The following MGAT4C variants were observed in gnomAD, a reference collection of about 807,000 sequenced individuals.
MGAT4C encodes the protein MGAT4 family member C.
Under a neutral mutation model 40.1 loss-of-function variants are expected in MGAT4C, and 19 were observed. The observed-to-expected ratio is 0.47, with a 90% CI of 0.33 to 0.70. MGAT4C has a LOEUF of 0.70. Ranked by LOEUF, MGAT4C falls within the 30% of genes least tolerant of loss-of-function variation. The probability of loss-of-function intolerance (pLI) is 0.02; values close to 1 mark genes in which losing one functional copy is unlikely to be tolerated. For synonymous variants in MGAT4C, 181 were observed against 187.1 expected, an observed-to-expected ratio of 0.97 and a Z score of 0.27; for missense variants, 491 against 563.2, an observed-to-expected ratio of 0.87 and a Z score of 1.30.
chr12:86,830,405 T>C (rs1952898291), intron 1 of MGAT4C, among the ~76,000 whole-genome samples: 1 of 151,836 alleles, frequency 6.6e-6, no homozygotes, highest in Admixed American at 6.6e-5. Flanking sequence ...TATTGGTCTC[T>C]AAGTATGTAT....
chr12:86,523,576 G>A (rs950319311), intron 2 of MGAT4C, among the ~76,000 whole-genome samples: 1 of 152,092 alleles, frequency 6.6e-6, no homozygotes, highest in Non-Finnish European at 1.5e-5. Context: ...TTGGGAGTGG[G>A]GAGAGTTCCA....
chr12:86,573,320 T>C (rs975785668), intron 2 of MGAT4C, among the ~76,000 whole-genome samples: 5 of 151,998 alleles, frequency 3.3e-5, no homozygotes, highest in Non-Finnish European at 1.5e-5. Context: ...GCAATTGAAC[T>C]AAAGGGGTTA....
chr12:86,600,107 A>C (rs1961708893), intron 2 of MGAT4C, among the ~76,000 whole-genome samples: 1 of 152,222 alleles, frequency 6.6e-6, no homozygotes, highest in African/African-American at 2.4e-5. Context: ...AAGAATGCTA[A>C]GGGAACGTCA....
At chr12:86,670,758 G>A (rs1465408584) in intron 2 of MGAT4C, among the ~76,000 whole-genome samples, 1 of 152,098 alleles carries the variant, frequency 6.6e-6, no homozygotes, top group Non-Finnish European at 1.5e-5. Flanking sequence ...CAAGGCATAT[G>A]GTCACCAGAC....
chr12:85,963,317 A>C lies in MGAT4C; in HGVS notation c.*15972T>G, dbSNP rs1883206094. 1 of 151,978 alleles carries C rather than the reference A, an allele frequency of 6.6e-6. No individual in the cohort carries two copies. Among genetic ancestry groups the C allele is most frequent in the Admixed American group, 6.6e-5 (1 of 15,248 alleles). The allele number at this position is 151,978 out of a possible 1,614,324, so 9.4% of individuals were successfully genotyped here. ...ATACAACATTTTTATGTAGAAATAT[A>C]TTCTTGAAATGTAACTAGCACATAG... On this transcript the variant is annotated 3_prime_UTR_variant, in exon 5 of 5. Transcript: ENST00000611864.
intron 2 of MGAT4C, among the ~76,000 whole-genome samples, chr12:86,687,303 A>AT (rs1351806640): frequency 6.6e-6 from 1 of 151,118 alleles, no homozygotes. Flanking sequence ...GGATTCATTG[A>AT]TTTTTTGAAG....
At chr12:85,995,116 ACAACAGGCAG>A (rs1176204345) in intron 2 of MGAT4C, among the ~76,000 whole-genome samples, 1 of 152,128 alleles carries the variant, frequency 6.6e-6, no homozygotes, top group Non-Finnish European at 1.5e-5. Context: ...CTAATATTGG[ACAACAGGCAG>A]CACAGGGCAA....
intron 1 of MGAT4C, among the ~76,000 whole-genome samples, chr12:86,751,804 C>T (rs958724093): frequency 6.6e-6 from 1 of 151,994 alleles, no homozygotes; most frequent in South Asian, 2.1e-4. Flanking sequence ...TATCCTCCTT[C>T]AGCTTTTGTT....
In MGAT4C at chr12:86,235,356, G is replaced by A. The variant is rs544730423; in HGVS notation, c.-57+20883C>T. ...GCTTCAGTCCATCAATAATCAAAAG[G>A]GATTTTTTATAAAATATAAATGTAT... On this transcript the variant is annotated intron_variant, in intron 1 of 4. Transcript: ENST00000611864. Among the ~76,000 whole-genome samples, 8 of 151,870 alleles carry A rather than the reference G, an allele frequency of 5.3e-5. No individual in the cohort carries two copies. In the South Asian group the frequency reaches 1.7e-3, roughly 32 times the overall value.
intron 2 of MGAT4C, among the ~76,000 whole-genome samples, chr12:86,641,840 G>T (rs902619159): frequency 2.0e-5 from 3 of 151,872 alleles, no homozygotes; most frequent in African/African-American, 7.2e-5. Flanking sequence ...TTTAACTAAA[G>T]ATATATCATT....
chr12:86,697,876 A>G (rs1251849998), intron 2 of MGAT4C, among the ~76,000 whole-genome samples: 1 of 152,074 alleles, frequency 6.6e-6, no homozygotes, highest in Admixed American at 6.6e-5. Flanking sequence ...ATCACCTAAA[A>G]TCACTTTTCA....
At chr12:86,184,738 TAA>T (rs34098097) in intron 1 of MGAT4C, among the ~76,000 whole-genome samples, 12,563 of 86,658 alleles carry the variant, frequency 0.14, 994 homozygotes, top group East Asian at 0.28. Flanking sequence ...TTTCTCCTGT[TAA>T]AAAAAAAAAA....
intron 2 of MGAT4C, among the ~76,000 whole-genome samples, chr12:86,496,984 C>T (rs1051292933): frequency 1.3e-5 from 2 of 151,944 alleles, no homozygotes; most frequent in African/African-American, 4.8e-5. Flanking sequence ...TATAATTAAA[C>T]TTTATCACCT....
chr12:86,816,224 T>C (rs951099534), intron 1 of MGAT4C, among the ~76,000 whole-genome samples: 1 of 151,904 alleles, frequency 6.6e-6, no homozygotes, highest in Non-Finnish European at 1.5e-5. Context: ...ATATCTCCTA[T>C]ATTTGTAGGT....
intron 1 of MGAT4C, among the ~76,000 whole-genome samples, chr12:86,233,092 T>A (rs905375684): frequency 6.6e-6 from 1 of 152,170 alleles, no homozygotes; most frequent in Non-Finnish European, 1.5e-5. Flanking sequence ...CTGTTTTAGA[T>A]TTTTTTAACT....
At chr12:86,528,523 T>C (rs1013653068) in intron 2 of MGAT4C, among the ~76,000 whole-genome samples, 12 of 152,048 alleles carry the variant, frequency 7.9e-5, no homozygotes, top group Admixed American at 2.0e-4. Context: ...TTCTTTAGTA[T>C]AGAAAGTTAG....
intron 2 of MGAT4C, among the ~76,000 whole-genome samples, chr12:86,708,703 G>A (rs1445701716): frequency 2.6e-5 from 4 of 152,182 alleles, no homozygotes; most frequent in Admixed American, 1.3e-4. Flanking sequence ...AGCTGTATAT[G>A]AGACAAGGAG....
At chr12:86,813,576 C>A (rs187907545) in intron 1 of MGAT4C, among the ~76,000 whole-genome samples, 50 of 151,894 alleles carry the variant, frequency 3.3e-4, no homozygotes, top group Non-Finnish European at 6.6e-4. Context: ...TTATTTATCA[C>A]CCTGATAATA....
chr12:86,289,448 C>T (rs1189131956), intron 4 of MGAT4C, among the ~76,000 whole-genome samples: 2 of 151,692 alleles, frequency 1.3e-5, no homozygotes, highest in Non-Finnish European at 2.9e-5. Context: ...TGAAGAATGT[C>T]ATTGGTAGTT....
Sources: gnomAD v4.1 joint callset for allele counts (sites outside exome capture counted in the v4.1 genomes callset) on GRCh38, gnomAD v4.1.1 for gene constraint, MANE v1.5 for transcripts, NCBI Gene and HGNC (gene_info 2026-07-23, HGNC 2026-07-21) for gene names.